Variants in TRRAP observed in about 807,000 individuals in gnomAD.
The protein encoded by TRRAP is transformation/transcription domain associated protein, also known as transformation/transcription domain-associated protein.
A neutral mutation model predicts 438.8 loss-of-function variants in TRRAP; 41 were observed. That is an observed-to-expected ratio of 0.09 (90% CI 0.07 to 0.12). The LOEUF (loss-of-function observed/expected upper bound fraction) is 0.12, where lower values mean the gene tolerates loss of function less well. Among genes scored for constraint, TRRAP ranks in the 10% least tolerant of loss-of-function variants. TRRAP has a pLI of 1.00. For synonymous variants in TRRAP, 1,994 were observed against 1,962.9 expected, an observed-to-expected ratio of 1.02 and a Z score of -0.42; for missense variants, 3,122 against 5,055.1, an observed-to-expected ratio of 0.62 and a Z score of 11.60.
chr7:98,897,605 A>G, intron 7 of TRRAP, 136 bp from the exon 8 acceptor site: 1 of 1,157,310 alleles, frequency 8.6e-7, no homozygotes, highest in Non-Finnish European at 1.2e-6. Flanking sequence ...GAGTTGGTGC[A>G]GCATAAAAAT....
intron 33 of TRRAP, among the ~76,000 whole-genome samples, chr7:98,946,637 A>G (rs1454449645): frequency 6.8e-6 from 1 of 148,074 alleles, no homozygotes; most frequent in African/African-American, 2.5e-5. Context: ...ACACACCACA[A>G]TGCACTGACA....
At chr7:98,903,238 T>C in intron 11 of TRRAP, 141 bp from the exon 12 acceptor site, 1 of 994,412 alleles carries the variant, frequency 1.0e-6, no homozygotes, top group Non-Finnish European at 1.5e-6. Context: ...GCCAGGCTAG[T>C]CTTGATCTCC....
At chr7:98,897,696 T>C in intron 7 of TRRAP, 45 bp from the exon 8 acceptor site, 1 of 1,568,238 alleles carries the variant, frequency 6.4e-7, no homozygotes, top group South Asian at 1.2e-5. Context: ...TGAATGAATA[T>C]TGGGTTTGAC....
chr7:98,975,982 G>C (rs1011357831), intron 53 of TRRAP, 167 bp from the exon 54 acceptor site: 1 of 907,638 alleles, frequency 1.1e-6, no homozygotes, highest in Non-Finnish European at 1.6e-6. Context: ...CACCACTCAG[G>C]ATCTGTGGGC....
chr7:98,954,145 G>A (rs936829256), intron 40 of TRRAP, among the ~76,000 whole-genome samples: 5 of 151,794 alleles, frequency 3.3e-5, no homozygotes, highest in Non-Finnish European at 7.4e-5. Context: ...GGAGTACCTC[G>A]GTGGTTTGGG....
chr7:98,990,940 A>G (rs1312113338), intron 64 of TRRAP, among the ~76,000 whole-genome samples: 1 of 152,224 alleles, frequency 6.6e-6, no homozygotes, highest in Non-Finnish European at 1.5e-5. Flanking sequence ...CCTGAGAATG[A>G]CAGTGAGCCC....
chr7:98,925,441 G>A (rs1299136214), intron 22 of TRRAP, among the ~76,000 whole-genome samples, 178 bp downstream of exon 22: 2 of 152,180 alleles, frequency 1.3e-5, no homozygotes, highest in African/African-American at 2.4e-5. Flanking sequence ...GGAGAACTGG[G>A]TGCTTGAGAA....
At chr7:98,906,124 A>G (rs1163919072) in intron 12 of TRRAP, 53 bp from the exon 13 acceptor site, 2 of 1,521,410 alleles carry the variant, frequency 1.3e-6, no homozygotes, top group East Asian at 4.5e-5. Context: ...AAGTAATTTA[A>G]TGTGTGTAAT....
rs1789304121 is a variant in TRRAP, at chr7:98,912,168, T to C, written c.2154T>C (p.Phe718=). The C allele has an allele frequency of 6.2e-7, 1 of 1,614,038 alleles. No homozygotes were observed. Among genetic ancestry groups the C allele is most frequent in the Non-Finnish European group, 8.5e-7 (1 of 1,180,028 alleles). ...NLYLKLFKLV[F]GSVSLFAAEN... The stretch of plus-strand genomic sequence containing the variant: ...ACCTCAAGCTGTTCAAGCTGGTCTT[T>C]GGCTCTGTCTCCCTCTTTGCAGCTG... Residue 718 remains phenylalanine, a synonymous_variant, in exon 18 of 73, where the codon TTT becomes TTC. Coordinates refer to ENST00000456197, the MANE Select transcript of TRRAP (RefSeq NM_001375524.1).
In TRRAP at chr7:98,903,411, G is replaced by A. The variant is rs781979576; in HGVS notation, c.930G>A (p.Val310=). 67 of 1,614,128 alleles carry A rather than the reference G, an allele frequency of 4.2e-5. No individual in the cohort carries two copies. Among genetic ancestry groups the A allele is most frequent in the Non-Finnish European group, 3.6e-5 (42 of 1,180,056 alleles). The part of the protein sequence containing the change: ...ELVTKYSQQM[V]KGMLQLLSNC... The stretch of plus-strand genomic sequence containing the variant: ...TGACTAAGTATTCTCAGCAGATGGT[G>A]AAAGGAATGCTCCAGTTACTTTCAA... The change falls in exon 12 of 73, where the codon GTG becomes GTA. Residue 310 remains valine (V), a synonymous_variant. Transcript: ENST00000456197.
At chr7:98,880,279 T>TTTTTTA in intron 1 of TRRAP, among the ~76,000 whole-genome samples, 1 of 144,690 alleles carries the variant, frequency 6.9e-6, no homozygotes, top group East Asian at 1.9e-4. Context: ...TTTTTTTTTT[T>TTTTTTA]CCGAGACTGA....
At chr7:98,975,331 C>T (rs898592982) in intron 53 of TRRAP, among the ~76,000 whole-genome samples, 1 of 152,224 alleles carries the variant, frequency 6.6e-6, no homozygotes, top group Non-Finnish European at 1.5e-5. Flanking sequence ...GGCACTCTGC[C>T]ACCGTGCCAG....
At chr7:98,900,524 G>A in intron 10 of TRRAP, 100 bp from the exon 11 acceptor site, 1 of 965,286 alleles carries the variant, frequency 1.0e-6, no homozygotes, top group South Asian at 1.6e-5. Flanking sequence ...GGGTCTGTGT[G>A]GAAATCAATC....
chr7:98,962,576 T>G, intron 47 of TRRAP, 149 bp downstream of exon 47: 6 of 1,419,430 alleles, frequency 4.2e-6, no homozygotes, highest in African/African-American at 1.4e-5. Flanking sequence ...CCTGGGGCCC[T>G]CAAGGCCGCC....
At position 98,983,328 on chromosome 7, in the gene TRRAP, A is replaced by G. The variant is rs376895026; in HGVS notation, c.8891A>G (p.Asn2964Ser). 7 of 1,614,034 alleles carry G rather than the reference A, an allele frequency of 4.3e-6. No homozygotes were observed. The highest frequency in any genetic ancestry group is 4.0e-5 in the African/African-American group (3 of 74,894). Residue 2964 changes from asparagine to serine, a missense_variant, in exon 60 of 73, where the codon AAC (asparagine) becomes AGC (serine). Asn to Ser is a conservative substitution (Grantham distance 46). Coordinates refer to ENST00000456197, the MANE Select transcript of TRRAP (RefSeq NM_001375524.1). ...ATCAACGCAGGCTTACAGCCAACCA[A>G]CCTGGGAAGGAACAACAGCCTGCAC... is the stretch of plus-strand genomic sequence containing the variant. The part of the protein sequence containing the change: ...AQINAGLQPT[N>S]LGRNNSLHDM...
intron 3 of TRRAP, among the ~76,000 whole-genome samples, chr7:98,886,237 C>T (rs559232836): frequency 3.5e-4 from 53 of 152,154 alleles, no homozygotes; most frequent in Non-Finnish European, 6.2e-4. Context: ...TTGCAGTGAG[C>T]GGAGATCATG....
intron 18 of TRRAP, among the ~76,000 whole-genome samples, chr7:98,913,556 G>T (rs1283594853): frequency 6.6e-6 from 1 of 152,076 alleles, no homozygotes; most frequent in Non-Finnish European, 1.5e-5. Context: ...TCAAAGTGCT[G>T]GGATTACAGG....
At chr7:99,000,951 C>A (rs934239524) in intron 67 of TRRAP, among the ~76,000 whole-genome samples, 1 of 152,244 alleles carries the variant, frequency 6.6e-6, no homozygotes, top group African/African-American at 2.4e-5. Flanking sequence ...TTGTAATGAT[C>A]TTTGCCACGT....
Position 98,890,317 on chromosome 7 carries a change from T to C in TRRAP, c.151-18T>C, listed in dbSNP as rs1554404619. The C allele has an allele frequency of 6.7e-7, 1 of 1,481,678 alleles. No homozygotes were observed. Among genetic ancestry groups the C allele is most frequent in the East Asian group, 2.5e-5 (1 of 40,616 alleles). The allele number at this position is 1,481,678 out of a possible 1,614,324, so 91.8% of individuals were successfully genotyped here. On this transcript the variant is annotated intron_variant, in intron 3 of 72. Coordinates refer to ENST00000456197, the MANE Select transcript of TRRAP (RefSeq NM_001375524.1). ...CATACACATAACTGAATGGGGTCTT[T>C]TATTTTTGCACAATTAGAATGTCAC...
Sources: allele counts gnomAD v4.1 joint callset (sites outside exome capture counted in the v4.1 genomes callset), GRCh38; gene constraint gnomAD v4.1.1; transcripts MANE v1.5; gene names NCBI Gene and HGNC (gene_info 2026-07-23, HGNC 2026-07-21).